The following SH3GL2 variants were observed in gnomAD, a reference collection of about 807,000 sequenced individuals.
SH3GL2 encodes endophilin-A1.
SH3GL2 carries 24 observed loss-of-function variants against 46.0 expected under a neutral mutation model. That is an observed-to-expected ratio of 0.52 (90% CI 0.38 to 0.73). The LOEUF (loss-of-function observed/expected upper bound fraction) is 0.73, where lower values mean the gene tolerates loss of function less well. SH3GL2 is among the 30% of genes least tolerant of loss of function. The pLI, the probability that SH3GL2 is intolerant of heterozygous loss-of-function variation, is 0.00. For missense variants in SH3GL2, 413 were observed against 424.2 expected (o/e 0.97, Z 0.23); for synonymous variants, 196 against 147.1 (o/e 1.33, Z -2.40).
intron 1 of SH3GL2, among the ~76,000 whole-genome samples, chr9:17,681,037 GCTTTACTTC>G (rs1465999471): frequency 6.6e-6 from 1 of 152,004 alleles, no homozygotes; most frequent in Non-Finnish European, 1.5e-5. Context: ...GCTGAGGAGA[GCTTTACTTC>G]CAACTATGTG....
intron 2 of SH3GL2, among the ~76,000 whole-genome samples, chr9:17,759,036 C>T (rs1823092104): frequency 6.6e-6 from 1 of 152,096 alleles, no homozygotes; most frequent in Admixed American, 6.5e-5. Flanking sequence ...TGTCTGTTTA[C>T]ACTACATGAG....
chr9:17,688,101 AT>A (rs1160534142), intron 1 of SH3GL2, among the ~76,000 whole-genome samples: 2 of 152,060 alleles, frequency 1.3e-5, no homozygotes, highest in African/African-American at 4.8e-5. Context: ...CTGTCTACTT[AT>A]AAAATTAAAA....
chr9:17,791,299 G>A lies in SH3GL2; in HGVS notation c.693G>A (p.Gln231=), dbSNP rs147322804. The A allele has an allele frequency of 6.3e-4, 1,014 of 1,613,504 alleles. No homozygotes were observed. Among genetic ancestry groups the A allele is most frequent in the Middle Eastern group, 2.3e-3 (14 of 6,056 alleles). ...AQLEYHKQAV[Q]ILQQVTVRLE... ...TGGAGTACCACAAGCAGGCAGTCCA[G>A]ATCCTGCAGCAAGTCACGGTCAGAC... Residue 231 remains glutamine, a synonymous_variant, in exon 7 of 9, where the codon CAG becomes CAA. Transcript: ENST00000380607.
chr9:17,664,428 C>G (rs76202127), intron 1 of SH3GL2, among the ~76,000 whole-genome samples: 12,431 of 152,066 alleles, frequency 0.082, 663 homozygotes, highest in Admixed American at 0.18. Context: ...TGGAGATGCA[C>G]TCACAACTTT....
At chr9:17,702,363 A>G (rs976495663) in intron 1 of SH3GL2, among the ~76,000 whole-genome samples, 19 of 152,214 alleles carry the variant, frequency 1.2e-4, no homozygotes, top group African/African-American at 4.3e-4. Context: ...AAGCTTTTCT[A>G]ATTATGATCC....
At chr9:17,588,125 G>A (rs1818414470) in intron 1 of SH3GL2, among the ~76,000 whole-genome samples, 1 of 152,020 alleles carries the variant, frequency 6.6e-6, no homozygotes, top group Non-Finnish European at 1.5e-5. Flanking sequence ...TATATTTCCC[G>A]TTATTTGCTT....
rs568274963 is a variant in SH3GL2, at chr9:17,674,449, T to G, written c.46-72617T>G. Among the ~76,000 whole-genome samples, 3 of 152,142 alleles carry G rather than the reference T, an allele frequency of 2.0e-5. No individual in the cohort carries two copies. In the South Asian group the frequency reaches 6.2e-4, roughly 32 times the overall value. The stretch of plus-strand genomic sequence containing the variant: ...GCCTGGCTAATTTTTGTTTTTTTAG[T>G]AGGGACAGGGTTTCACCATATCGCC... On this transcript the variant is annotated intron_variant, in intron 1 of 8. Coordinates refer to ENST00000380607, the MANE Select transcript of SH3GL2 (RefSeq NM_003026.5).
chr9:17,660,683 A>G (rs1452912485), intron 1 of SH3GL2, among the ~76,000 whole-genome samples: 4 of 151,932 alleles, frequency 2.6e-5, no homozygotes, highest in Non-Finnish European at 5.9e-5. Context: ...GTGTTTTTCT[A>G]GGGACACTAG....
chr9:17,592,376 G>A (rs982814804), intron 1 of SH3GL2, among the ~76,000 whole-genome samples: 1 of 151,972 alleles, frequency 6.6e-6, no homozygotes, highest in African/African-American at 2.4e-5. Context: ...CAGCTATCTG[G>A]GTATCCCTTA....
chr9:17,659,124 T>C (rs1820154965), intron 1 of SH3GL2, among the ~76,000 whole-genome samples: 1 of 152,034 alleles, frequency 6.6e-6, no homozygotes, highest in African/African-American at 2.4e-5. Context: ...GGAGAGAATA[T>C]AGAGTGCAGA....
At chr9:17,640,302 C>G (rs888084371) in intron 1 of SH3GL2, among the ~76,000 whole-genome samples, 1 of 151,958 alleles carries the variant, frequency 6.6e-6, no homozygotes, top group Non-Finnish European at 1.5e-5. Context: ...ATTTTATATT[C>G]TTATTCTTTC....
intron 1 of SH3GL2, among the ~76,000 whole-genome samples, chr9:17,619,165 A>G (rs12346200): frequency 0.054 from 8,281 of 152,226 alleles, 369 homozygotes; most frequent in African/African-American, 0.13. Context: ...AACTTGCTCA[A>G]GATCCCCTAG....
At chr9:17,623,055 TCCCC>T (rs770712251) in intron 1 of SH3GL2, among the ~76,000 whole-genome samples, 22,277 of 96,178 alleles carry the variant, frequency 0.23, 2,076 homozygotes, top group Middle Eastern at 0.34. Flanking sequence ...CCCTTCCCCT[TCCCC>T]TTCCCCTTCC....
At chr9:17,624,750 C>T (rs1819241973) in intron 1 of SH3GL2, among the ~76,000 whole-genome samples, 1 of 152,068 alleles carries the variant, frequency 6.6e-6, no homozygotes, top group Admixed American at 6.5e-5. Flanking sequence ...ATACTCTAGC[C>T]CTGGAGCCAT....
intron 1 of SH3GL2, among the ~76,000 whole-genome samples, chr9:17,740,057 T>G (rs1433415207): frequency 6.6e-6 from 1 of 152,140 alleles, no homozygotes. Context: ...TTCATCCTGT[T>G]GAATTCATGG....
chr9:17,683,654 T>G (rs967841418), intron 1 of SH3GL2, among the ~76,000 whole-genome samples: 3 of 152,138 alleles, frequency 2.0e-5, no homozygotes, highest in African/African-American at 7.2e-5. Flanking sequence ...GAATACTTCC[T>G]CTCTACATAC....
At chr9:17,579,700 A>G (rs899844255) in intron 1 of SH3GL2, among the ~76,000 whole-genome samples, 2 of 151,914 alleles carry the variant, frequency 1.3e-5, no homozygotes, top group African/African-American at 2.4e-5. Context: ...CTTTCCCGGG[A>G]TGTGTTGGCA....
chr9:17,584,287 G>C (rs1818330244), intron 1 of SH3GL2, among the ~76,000 whole-genome samples: 1 of 152,082 alleles, frequency 6.6e-6, no homozygotes, highest in South Asian at 2.1e-4. Flanking sequence ...GATCACTTGA[G>C]GTCAGGAGTT....
At chr9:17,784,406 G>T (rs1276876136) in intron 3 of SH3GL2, among the ~76,000 whole-genome samples, 1 of 152,074 alleles carries the variant, frequency 6.6e-6, no homozygotes, top group African/African-American at 2.4e-5. Context: ...GCCTGAATAG[G>T]ATTTGTAGGG....
Sources: allele counts gnomAD v4.1 joint callset (sites outside exome capture counted in the v4.1 genomes callset), GRCh38; gene constraint gnomAD v4.1.1; transcripts MANE v1.5; gene names NCBI Gene and HGNC (gene_info 2026-07-23, HGNC 2026-07-21).